The following ABCB1 variants were observed in gnomAD, a reference collection of about 807,000 sequenced individuals.
ABCB1 encodes the protein ATP-dependent translocase ABCB1.
A neutral mutation model predicts 142.0 loss-of-function variants in ABCB1; 69 were observed. The observed-to-expected ratio is 0.49, with a 90% CI of 0.40 to 0.59. ABCB1 has a LOEUF of 0.59. ABCB1 is among the 20% of genes least tolerant of loss of function. The probability of loss-of-function intolerance (pLI) is 0.00; values close to 1 mark genes in which losing one functional copy is unlikely to be tolerated. For missense variants in ABCB1, 1,326 were observed against 1,554.7 expected (o/e 0.85, Z 2.47); for synonymous variants, 532 against 539.2 (o/e 0.99, Z 0.18).
chr7:87,616,786 G>C (rs1408638631), intron 1 of ABCB1, among the ~76,000 whole-genome samples: 1 of 152,128 alleles, frequency 6.6e-6, no homozygotes, highest in Non-Finnish European at 1.5e-5. Context: ...GCAAAACTAA[G>C]AGCCATTTGT....
intron 22 of ABCB1, 25 bp from the exon 23 acceptor site, chr7:87,519,491 C>T (rs1815397000): frequency 1.2e-6 from 2 of 1,613,446 alleles, no homozygotes; most frequent in African/African-American, 2.7e-5. Flanking sequence ...TTTGAAAACT[C>T]ATTCCACTTT....
chr7:87,599,967 A>C, intron 2 of ABCB1, 150 bp downstream of exon 2: 1 of 754,558 alleles, frequency 1.3e-6, no homozygotes. Flanking sequence ...CTTCTGCTCT[A>C]AGCAGGGATA....
intron 25 of ABCB1, among the ~76,000 whole-genome samples, chr7:87,511,551 A>C (rs928359192): frequency 3.3e-5 from 5 of 152,220 alleles, no homozygotes; most frequent in African/African-American, 1.2e-4. Flanking sequence ...TGTGATAAGC[A>C]TGTCTCATAC....
intron 5 of ABCB1, among the ~76,000 whole-genome samples, chr7:87,568,494 T>C (rs1223131499): frequency 6.6e-6 from 1 of 151,946 alleles, no homozygotes; most frequent in Non-Finnish European, 1.5e-5. Context: ...TAAAATAAAA[T>C]ACAGTATTCC....
chr7:87,503,853 A>G lies in ABCB1; in HGVS notation c.*390T>C, dbSNP rs1440376890. On this transcript the variant is annotated 3_prime_UTR_variant, in exon 28 of 28. Transcript: ENST00000622132. ...TATATTCACAGGCAGTTTGGACAAGATGACTCCAGTCACATGAAAGTTTAG... is the reference window on the plus strand; with the variant it reads ...TATATTCACAGGCAGTTTGGACAAGGTGACTCCAGTCACATGAAAGTTTAG... The G allele has an allele frequency of 2.7e-5, 7 of 255,762 alleles. No individual in the cohort carries two copies. The highest frequency in any genetic ancestry group is 2.5e-4 in the Admixed American group (5 of 19,610). 15.8% of individuals were successfully genotyped at this position (255,762 alleles called of 1,614,324 possible). A position where few individuals can be genotyped will look rare whatever the true frequency, so the allele number is the denominator to read the frequency against.
intron 1 of ABCB1, among the ~76,000 whole-genome samples, chr7:87,613,511 C>T (rs146305273): frequency 0.011 from 1,606 of 152,076 alleles, 30 homozygotes; most frequent in African/African-American, 0.036. Context: ...GACACATATA[C>T]GCCATGGAAT....
intron 1 of ABCB1, among the ~76,000 whole-genome samples, chr7:87,702,632 A>G (rs1338075052): frequency 3.3e-5 from 5 of 152,140 alleles, no homozygotes; most frequent in Non-Finnish European, 7.4e-5. Context: ...CTTGTGATAC[A>G]GTAAATTTGG....
At chr7:87,534,189 C>T (rs2117137961) in intron 20 of ABCB1, among the ~76,000 whole-genome samples, 2 of 152,288 alleles carry the variant, frequency 1.3e-5, no homozygotes, top group South Asian at 4.1e-4. Context: ...AATACATCTG[C>T]TCTGGGTTCT....
chr7:87,632,644 G>A (rs73705283), intron 1 of ABCB1, among the ~76,000 whole-genome samples: 2,039 of 152,010 alleles, frequency 0.013, 51 homozygotes, highest in African/African-American at 0.046. Context: ...AGTTGTTAAC[G>A]CCCTTCAGAT....
At chr7:87,663,437 T>C (rs1431584983) in intron 1 of ABCB1, among the ~76,000 whole-genome samples, 1 of 152,154 alleles carries the variant, frequency 6.6e-6, no homozygotes, top group African/African-American at 2.4e-5. Flanking sequence ...TCCCTACAGT[T>C]GGCTTTTCTT....
intron 27 of ABCB1, among the ~76,000 whole-genome samples, chr7:87,505,060 C>A (rs1366221100): frequency 1.3e-5 from 2 of 152,000 alleles, no homozygotes; most frequent in African/African-American, 4.8e-5. Context: ...ACCTCCTGGG[C>A]TCAAGCGATT....
chr7:87,706,625 G>A (rs926820666), intron 1 of ABCB1, among the ~76,000 whole-genome samples: 2 of 152,162 alleles, frequency 1.3e-5, no homozygotes, highest in African/African-American at 2.4e-5. Flanking sequence ...GAGCTGAGCC[G>A]CACATCCATC....
At chr7:87,654,557 A>G (rs144064872) in intron 1 of ABCB1, among the ~76,000 whole-genome samples, 1 of 152,056 alleles carries the variant, frequency 6.6e-6, no homozygotes, top group East Asian at 1.9e-4. Flanking sequence ...GACCCTTCAC[A>G]CTACAGAAGA....
At chr7:87,613,440 A>G (rs143840478) in intron 1 of ABCB1, among the ~76,000 whole-genome samples, 3 of 152,194 alleles carry the variant, frequency 2.0e-5, no homozygotes, top group East Asian at 1.9e-4. Flanking sequence ...GCTATTCACA[A>G]TAACAAAGAC....
chr7:87,595,261 A>G (rs1819150224), intron 3 of ABCB1, among the ~76,000 whole-genome samples: 1 of 152,180 alleles, frequency 6.6e-6, no homozygotes, highest in Non-Finnish European at 1.5e-5. Flanking sequence ...ATGGCATATG[A>G]CATATTTGAA....
chr7:87,554,326 T>A (rs1435914272), intron 8 of ABCB1, among the ~76,000 whole-genome samples: 2 of 127,922 alleles, frequency 1.6e-5, no homozygotes, highest in Non-Finnish European at 3.2e-5. Flanking sequence ...GAGATAATGT[T>A]AGAAAGTACT....
chr7:87,516,202 T>C (rs573274609), intron 24 of ABCB1, among the ~76,000 whole-genome samples: 24 of 152,180 alleles, frequency 1.6e-4, no homozygotes, highest in Non-Finnish European at 2.8e-4. Flanking sequence ...GCTATGATCA[T>C]ACTGCTGCAC....
intron 1 of ABCB1, among the ~76,000 whole-genome samples, chr7:87,697,177 C>T (rs534012773): frequency 1.3e-5 from 2 of 152,254 alleles, no homozygotes; most frequent in African/African-American, 2.4e-5. Context: ...ACAACCTATG[C>T]TTTATCTTTC....
At chr7:87,583,593 G>C (rs565086704) in intron 4 of ABCB1, among the ~76,000 whole-genome samples, 12 of 152,188 alleles carry the variant, frequency 7.9e-5, no homozygotes, top group African/African-American at 2.9e-4. Flanking sequence ...TGTGGCCCCT[G>C]TTTAACCTAG....
Sources: allele counts gnomAD v4.1 joint callset (sites outside exome capture counted in the v4.1 genomes callset), GRCh38; gene constraint gnomAD v4.1.1; transcripts MANE v1.5; gene names NCBI Gene and HGNC (gene_info 2026-07-23, HGNC 2026-07-21).